CPS1: variants seen among roughly 807,000 people sequenced by gnomAD.
The protein encoded by CPS1 is carbamoyl-phosphate synthase [ammonia], mitochondrial.
A neutral mutation model predicts 174.6 loss-of-function variants in CPS1; 109 were observed. That is an observed-to-expected ratio of 0.62 (90% CI 0.53 to 0.73). The LOEUF (loss-of-function observed/expected upper bound fraction) is 0.73. CPS1 is among the 30% of genes least tolerant of loss of function. CPS1 has a pLI of 0.00. For missense variants in CPS1, 1,689 were observed against 1,821.9 expected (o/e 0.93, Z 1.33); for synonymous variants, 637 against 632.0 (o/e 1.01, Z -0.12).
At chr2:210,606,983 C>G in intron 18 of CPS1, 42 bp downstream of exon 18, 1 of 1,569,910 alleles carries the variant, frequency 6.4e-7, no homozygotes, top group Non-Finnish European at 8.7e-7. Context: ...AGATTCTTTT[C>G]AGATAGAAAT....
intron 24 of CPS1, among the ~76,000 whole-genome samples, chr2:210,641,131 G>GT (rs1444491784): frequency 6.6e-6 from 1 of 151,924 alleles, no homozygotes; most frequent in Non-Finnish European, 1.5e-5. Flanking sequence ...CTCACCCCCA[G>GT]TTTTTTCTGA....
chr2:210,546,032 T>C (rs1047505199), intron 1 of CPS1, among the ~76,000 whole-genome samples: 1 of 152,104 alleles, frequency 6.6e-6, no homozygotes, highest in Non-Finnish European at 1.5e-5. Context: ...TTAGTTCTTT[T>C]TGTTATTCTT....
intron 28 of CPS1, among the ~76,000 whole-genome samples, chr2:210,651,690 G>A (rs1700563406): frequency 6.6e-6 from 1 of 152,130 alleles, no homozygotes; most frequent in South Asian, 2.1e-4. Context: ...TGGGACCAAA[G>A]TTTAATAATA....
chr2:210,639,310 G>C, intron 23 of CPS1, 95 bp downstream of exon 23: 1 of 1,056,714 alleles, frequency 9.5e-7, no homozygotes, highest in Admixed American at 1.9e-5. Context: ...TGGATATCTA[G>C]GTAATAAAAA....
intron 1 of CPS1, among the ~76,000 whole-genome samples, chr2:210,563,872 G>T (rs1355184472): frequency 6.6e-6 from 1 of 152,118 alleles, no homozygotes; most frequent in East Asian, 1.9e-4. Flanking sequence ...TTTTCAAGGG[G>T]AATGTAGCTG....
chr2:210,616,695 G>A (rs1459679147), intron 21 of CPS1, among the ~76,000 whole-genome samples, 154 bp downstream of exon 21: 1 of 151,076 alleles, frequency 6.6e-6, no homozygotes, highest in Non-Finnish European at 1.5e-5. Flanking sequence ...AAGACAAATG[G>A]CAGGTTTTTT....
chr2:210,608,619 A>G (rs1699008312), intron 19 of CPS1, 60 bp downstream of exon 19: 2 of 1,530,944 alleles, frequency 1.3e-6, no homozygotes, highest in South Asian at 1.1e-5. Flanking sequence ...TAAATTTGTG[A>G]CACCATTGAC....
chr2:210,632,327 A>G (rs958565903), intron 21 of CPS1, among the ~76,000 whole-genome samples: 2 of 152,206 alleles, frequency 1.3e-5, no homozygotes, highest in African/African-American at 4.8e-5. Flanking sequence ...TTTGCTTAAG[A>G]TTATGCATCT....
At chr2:210,541,126 A>G (rs1168380332) in intron 1 of CPS1, among the ~76,000 whole-genome samples, 2 of 152,180 alleles carry the variant, frequency 1.3e-5, no homozygotes, top group African/African-American at 2.4e-5. Context: ...GATCATCGGG[A>G]GTGCACTCAG....
chr2:210,504,379 GT>G (rs1198601874), intron 1 of CPS1, among the ~76,000 whole-genome samples: 1 of 152,170 alleles, frequency 6.6e-6, no homozygotes, highest in African/African-American at 2.4e-5. Flanking sequence ...AATAGCTAAC[GT>G]TGAGTGCAAA....
In CPS1 at chr2:210,549,071, G is replaced by A. The variant is rs913162332; in HGVS notation, c.4-7648G>A. Reference sequence around the variant, plus strand: ...TAAACTACTGCCCCTTACACTTCACGAAGTCGGTAACTTCAAGACATGTTG... The same window carrying A: ...TAAACTACTGCCCCTTACACTTCACAAAGTCGGTAACTTCAAGACATGTTG... On this transcript the variant is annotated intron_variant, in intron 1 of 38. Transcript: ENST00000430249. Among the ~76,000 whole-genome samples, 14 of 151,926 alleles carry A rather than the reference G, an allele frequency of 9.2e-5. No individual in the cohort carries two copies. The East Asian group carries it at 1.4e-3, about 15-fold the overall frequency.
chr2:210,633,570 T>G (rs1057386808), intron 21 of CPS1, among the ~76,000 whole-genome samples: 9 of 152,196 alleles, frequency 5.9e-5, no homozygotes, highest in African/African-American at 2.2e-4. Context: ...AAATACTGCA[T>G]TGCTGAATGT....
chr2:210,572,831 A>C (rs1005657340), intron 1 of CPS1, among the ~76,000 whole-genome samples: 9 of 152,026 alleles, frequency 5.9e-5, no homozygotes, highest in African/African-American at 2.2e-4. Flanking sequence ...TGTGGAACAC[A>C]GTTTGATAGA....
At position 210,613,738 on chromosome 2, in the gene CPS1, T is replaced by C. The variant is rs115959402; in HGVS notation, c.2568+1445T>C. Among the ~76,000 whole-genome samples the C allele has an allele frequency of 8.4e-3, 1,274 of 152,110 alleles. 16 individuals are homozygous for C. Among genetic ancestry groups the C allele is most frequent in the African/African-American group, 0.029 (1,216 of 41,534 alleles). ...CTCAAGCAAATCTCTCATTCTTTTC[T>C]AACAGACTTATAAAAGATGAGAATC... On this transcript the variant is annotated intron_variant, in intron 20 of 37. Coordinates refer to ENST00000233072, the MANE Select transcript of CPS1 (RefSeq NM_001875.5).
At chr2:210,551,571 C>CT (rs370181528) in intron 1 of CPS1, among the ~76,000 whole-genome samples, 22 of 151,162 alleles carry the variant, frequency 1.5e-4, no homozygotes, top group South Asian at 4.2e-4. Context: ...TGAATGATAG[C>CT]TTTTTTTTTG....
intron 21 of CPS1, among the ~76,000 whole-genome samples, chr2:210,636,143 T>C (rs1700036502): frequency 6.6e-6 from 1 of 152,222 alleles, no homozygotes. Context: ...ACTATTATAA[T>C]TGAATTGTAT....
At chr2:210,539,858 C>A (rs2544305) in intron 1 of CPS1, among the ~76,000 whole-genome samples, 4 of 152,034 alleles carry the variant, frequency 2.6e-5, no homozygotes, top group Non-Finnish European at 5.9e-5. Flanking sequence ...TTGTCACAAC[C>A]AGACTTGGGT....
intron 23 of CPS1, among the ~76,000 whole-genome samples, chr2:210,639,618 CAAAAA>C (rs397987630): frequency 1.2e-4 from 4 of 32,058 alleles, no homozygotes; most frequent in African/African-American, 1.8e-4. Flanking sequence ...GACTCCGTCT[CAAAAA>C]AAAAAAAAAA....
At chr2:210,539,266 G>A (rs571076466) in intron 1 of CPS1, among the ~76,000 whole-genome samples, 33 of 152,242 alleles carry the variant, frequency 2.2e-4, no homozygotes, top group African/African-American at 5.8e-4. Flanking sequence ...GTCAGTGTTT[G>A]CTCTTATTCT....
Sources: gnomAD v4.1 joint callset for allele counts (sites outside exome capture counted in the v4.1 genomes callset) on GRCh38, gnomAD v4.1.1 for gene constraint, MANE v1.5 for transcripts, NCBI Gene and HGNC (gene_info 2026-07-23, HGNC 2026-07-21) for gene names.